Variants in SLC9D1 observed in about 807,000 individuals in gnomAD.
SLC9D1 encodes the protein solute carrier family 9 member D1.
chr13:113,548,396 G>A, the SLC9D1 span: 7 of 1,613,268 alleles, frequency 4.3e-6, no homozygotes, highest in African/African-American at 2.7e-5. Context: ...CCAGGTCAGC[G>A]AGTTTTCCTT....
At chr13:113,513,003 C>A in the SLC9D1 span, among the ~76,000 whole-genome samples, 14 of 152,138 alleles carry the variant, frequency 9.2e-5, no homozygotes, top group East Asian at 1.4e-3. Context: ...TTTCAGAACT[C>A]GAGACAGGAG....
the SLC9D1 span, among the ~76,000 whole-genome samples, chr13:113,539,002 T>A: frequency 6.6e-6 from 1 of 152,250 alleles, no homozygotes; most frequent in Non-Finnish European, 1.5e-5. The surrounding 1 kb of genome is among the most constrained non-coding windows in gnomAD (Gnocchi z 4.8). Flanking sequence ...GGAATGCGTT[T>A]CTAACACTCC....
At chr13:113,504,969 T>C in the SLC9D1 span, 1 of 152,086 alleles carries the variant, frequency 6.6e-6, no homozygotes, top group African/African-American at 2.4e-5. Context: ...CCTGCCAACA[T>C]CTATTCTTTT....
the SLC9D1 span, among the ~76,000 whole-genome samples, chr13:113,492,569 A>G: frequency 6.6e-6 from 1 of 152,214 alleles, no homozygotes; most frequent in African/African-American, 2.4e-5. Context: ...CTCAGCCTTG[A>G]GATACATCCG....
At chr13:113,548,314 G>T in the SLC9D1 span, 2 of 1,613,960 alleles carry the variant, frequency 1.2e-6, no homozygotes, top group Non-Finnish European at 1.7e-6. Context: ...TTCTCCTGGC[G>T]GCGCTGGTCC....
chr13:113,526,619 G>A, the SLC9D1 span, among the ~76,000 whole-genome samples: 1 of 152,126 alleles, frequency 6.6e-6, no homozygotes, highest in Non-Finnish European at 1.5e-5. Flanking sequence ...CTCTGGAGGC[G>A]AAGGCTGTAG....
the SLC9D1 span, chr13:113,510,158 C>G: frequency 1.5e-6 from 2 of 1,315,510 alleles, no homozygotes; most frequent in Non-Finnish European, 2.2e-6. Context: ...TTCCTGGATG[C>G]AGAAATGCGT....
At chr13:113,506,348 CCA>C in the SLC9D1 span, among the ~76,000 whole-genome samples, 5 of 107,418 alleles carry the variant, frequency 4.7e-5, no homozygotes, top group Admixed American at 4.0e-4. Flanking sequence ...GGGGTGTCAG[CCA>C]GTGGCTGCCT....
chr13:113,536,476 A>G, the SLC9D1 span: 5 of 668,602 alleles, frequency 7.5e-6, no homozygotes, highest in East Asian at 4.0e-4. Flanking sequence ...AACTATTTCA[A>G]GAGTGTGACT....
chr13:113,503,847 T>C, the SLC9D1 span: 5 of 438,918 alleles, frequency 1.1e-5, no homozygotes, highest in Non-Finnish European at 2.0e-5. Context: ...GTAATGTGTG[T>C]GAACTTTAAT....
chr13:113,527,426 C>T, the SLC9D1 span: 9 of 152,220 alleles, frequency 5.9e-5, no homozygotes, highest in African/African-American at 2.2e-4. Context: ...CGCGTCACTC[C>T]GAGGGCATCT....
the SLC9D1 span, among the ~76,000 whole-genome samples, chr13:113,547,737 G>T: frequency 6.6e-6 from 1 of 152,174 alleles, no homozygotes; most frequent in Non-Finnish European, 1.5e-5. Context: ...TCTGTCCCCC[G>T]TGACTGCCAG....
the SLC9D1 span, chr13:113,495,961 A>C: frequency 1.2e-6 from 2 of 1,613,872 alleles, no homozygotes; most frequent in Non-Finnish European, 1.7e-6. Context: ...GATTACAAAG[A>C]TGTCGTGAAC....
chr13:113,522,253 A>T, the SLC9D1 span, among the ~76,000 whole-genome samples: 1 of 152,220 alleles, frequency 6.6e-6, no homozygotes, highest in Non-Finnish European at 1.5e-5. Flanking sequence ...TAGTTTGCTG[A>T]GAGTTTTTAT....
chr13:113,536,489 T>C, the SLC9D1 span: 76 of 781,100 alleles, frequency 9.7e-5, no homozygotes, highest in East Asian at 8.4e-3. Flanking sequence ...GTGTGACTTA[T>C]TTAAATTCTT....
the SLC9D1 span, among the ~76,000 whole-genome samples, chr13:113,515,518 C>T: frequency 1.3e-5 from 2 of 152,162 alleles, no homozygotes; most frequent in African/African-American, 2.4e-5. Context: ...TCCAGAAGCT[C>T]AGTGATGGCT....
the SLC9D1 span, among the ~76,000 whole-genome samples, chr13:113,520,886 C>T: frequency 6.6e-6 from 1 of 152,230 alleles, no homozygotes; most frequent in South Asian, 2.1e-4. Flanking sequence ...TGCTCACGCC[C>T]TGGCTCTGTG....
At chr13:113,500,206 G>A in the SLC9D1 span, 5 of 1,167,580 alleles carry the variant, frequency 4.3e-6, no homozygotes, top group Non-Finnish European at 4.6e-6. Flanking sequence ...CATGGTGTCA[G>A]TATGACCGAG....
chr13:113,548,229 G>A, the SLC9D1 span: 3 of 1,551,658 alleles, frequency 1.9e-6, no homozygotes, highest in Non-Finnish European at 2.6e-6. Context: ...GCTCGTCTGG[G>A]TTCTCTGTTT....
Sources: allele counts gnomAD v4.1 joint callset (sites outside exome capture counted in the v4.1 genomes callset), GRCh38; gene constraint gnomAD v4.1.1; non-coding constraint Gnocchi (gnomAD v3.1); transcripts MANE v1.5; gene names NCBI Gene and HGNC (gene_info 2026-07-23, HGNC 2026-07-21).